Variants in HSDL2 observed in about 807,000 individuals in gnomAD.
HSDL2 encodes hydroxysteroid dehydrogenase-like protein 2.
Under a neutral mutation model 46.3 loss-of-function variants are expected in HSDL2, and 27 were observed. That is an observed-to-expected ratio of 0.58 (90% confidence interval 0.43 to 0.80). The LOEUF is 0.80. HSDL2 is among the 30% of genes least tolerant of loss of function. The probability of loss-of-function intolerance (pLI) is 0.00; values close to 1 mark genes in which losing one functional copy is unlikely to be tolerated. For synonymous variants in HSDL2, 153 were observed against 163.6 expected, an observed-to-expected ratio of 0.94 and a Z score of 0.50; for missense variants, 451 against 502.7, an observed-to-expected ratio of 0.90 and a Z score of 0.98.
chr9:112,404,390 C>T (rs559942748), intron 2 of HSDL2, among the ~76,000 whole-genome samples: 60 of 152,078 alleles, frequency 3.9e-4, no homozygotes, highest in African/African-American at 1.3e-3. Context: ...CATGGCGGGG[C>T]GTGGTGACTC....
chr9:112,454,815 C>T (rs964243755), intron 9 of HSDL2, among the ~76,000 whole-genome samples: 2 of 151,948 alleles, frequency 1.3e-5, no homozygotes, highest in Admixed American at 6.6e-5. Flanking sequence ...AAGTGATTCT[C>T]CTGCCTCAGC....
intron 1 of HSDL2, among the ~76,000 whole-genome samples, chr9:112,400,275 C>T (rs566909849): frequency 8.5e-5 from 13 of 152,224 alleles, no homozygotes; most frequent in African/African-American, 2.9e-4. Flanking sequence ...GGTGGAGCTA[C>T]GGGAACTCTT....
intron 4 of HSDL2, among the ~76,000 whole-genome samples, chr9:112,412,426 A>G (rs1831892891): frequency 6.6e-6 from 1 of 152,222 alleles, no homozygotes; most frequent in Admixed American, 6.5e-5. Context: ...TTTTAGACTT[A>G]TTAAAATCTA....
rs1003075460 is a variant in HSDL2, at chr9:112,438,439, A to G, written c.607A>G (p.Thr203Ala). ...GTGTGTTTTCTCTACAGCCATACAC[A>G]CTGCTGCTATGGATATGCTGGGAGG... is the stretch of plus-strand genomic sequence containing the variant. Reference protein sequence around the residue: ...NALWPKTAIHTAAMDMLGGPG... With the variant: ...NALWPKTAIHAAAMDMLGGPG... The change falls in exon 7 of 11, where the codon ACT becomes GCT. Residue 203 changes from threonine (T) to alanine (A), a missense_variant. Physicochemically the swap from Thr to Ala is moderately conservative, Grantham distance 58 (BLOSUM62 0). Transcript: ENST00000398805. 5.7e-6 allele frequency: 9 copies of G among 1,592,234 alleles called. No homozygotes were observed. The African/African-American group carries it at 6.8e-5, about 12-fold the overall frequency.
chr9:112,455,258 A>C (rs1282858391), intron 9 of HSDL2, among the ~76,000 whole-genome samples: 1 of 151,774 alleles, frequency 6.6e-6, no homozygotes, highest in Non-Finnish European at 1.5e-5. Flanking sequence ...AATAAAAGTT[A>C]AGAAACAGAT....
chr9:112,460,100 G>C (rs1833157990), intron 10 of HSDL2, among the ~76,000 whole-genome samples: 1 of 152,148 alleles, frequency 6.6e-6, no homozygotes, highest in Non-Finnish European at 1.5e-5. Flanking sequence ...AACTGTGCCA[G>C]AAAATTAAGG....
chr9:112,468,385 A>G (rs1189281553), intron 10 of HSDL2, among the ~76,000 whole-genome samples: 6 of 152,122 alleles, frequency 3.9e-5, no homozygotes, highest in Non-Finnish European at 8.8e-5. Flanking sequence ...TTACACATAT[A>G]TTTGTATAAT....
At chr9:112,430,920 C>T (rs1270966270) in intron 6 of HSDL2, among the ~76,000 whole-genome samples, 2 of 151,892 alleles carry the variant, frequency 1.3e-5, no homozygotes, top group African/African-American at 4.8e-5. Flanking sequence ...GGCATGGTGA[C>T]GCGTGCCTGT....
At chr9:112,423,836 C>T (rs771545258) in intron 6 of HSDL2, among the ~76,000 whole-genome samples, 1 of 151,862 alleles carries the variant, frequency 6.6e-6, no homozygotes, top group Non-Finnish European at 1.5e-5. Context: ...GCCTCAGCCT[C>T]CCGAATGGCT....
chr9:112,447,674 C>T (rs1467386232), intron 8 of HSDL2, among the ~76,000 whole-genome samples: 1 of 152,108 alleles, frequency 6.6e-6, no homozygotes, highest in East Asian at 1.9e-4. Flanking sequence ...GCACTGTGTT[C>T]AGCTTTTATG....
At chr9:112,402,251 A>C (rs1432288040) in intron 1 of HSDL2, among the ~76,000 whole-genome samples, 1 of 152,154 alleles carries the variant, frequency 6.6e-6, no homozygotes, top group Admixed American at 6.5e-5. Flanking sequence ...AAATTATTTT[A>C]GGTGTCTCCG....
At chr9:112,399,603 T>G (rs1012932118) in intron 1 of HSDL2, among the ~76,000 whole-genome samples, 1 of 152,132 alleles carries the variant, frequency 6.6e-6, no homozygotes. Context: ...AAGACAGACG[T>G]TCCCAGAGTG....
rs1423901916 is a variant in HSDL2, at chr9:112,470,795, C to T, written c.*251C>T. The T allele has an allele frequency of 8.1e-6, 2 of 247,144 alleles. No homozygotes were observed. Among genetic ancestry groups the T allele is most frequent in the African/African-American group, 4.5e-5 (2 of 44,332 alleles). 15.3% of individuals were successfully genotyped at this position (247,144 alleles called of 1,614,324 possible). A position where few individuals can be genotyped will look rare whatever the true frequency, so the allele number is the denominator to read the frequency against. Reference sequence around the variant, plus strand: ...ATTTCAAGGGTTTAACCCTTTGAGCCTTACATCTCATTCACTGTCTTTCTC... The same window carrying T: ...ATTTCAAGGGTTTAACCCTTTGAGCTTTACATCTCATTCACTGTCTTTCTC... On this transcript the variant is annotated 3_prime_UTR_variant, in exon 11 of 11. Coordinates refer to ENST00000398805, the MANE Select transcript of HSDL2 (RefSeq NM_032303.5).
Position 112,460,182 on chromosome 9 carries a change from T to G in HSDL2, c.1144+605T>G, listed in dbSNP as rs151336845. 2.3e-3 allele frequency among the ~76,000 whole-genome samples: 352 copies of G among 152,336 alleles called. 1 individual carries two copies. The highest frequency in any genetic ancestry group is 8.2e-3 in the African/African-American group (340 of 41,578). On this transcript the variant is annotated intron_variant, in intron 10 of 10. Coordinates refer to ENST00000398805, the MANE Select transcript of HSDL2 (RefSeq NM_032303.5). ...TTAATTAACTCAAATTCTAAAAAAT[T>G]AGAAGCAGCACTTGAAACTAAGCAT... is the stretch of plus-strand genomic sequence containing the variant.
At chr9:112,397,690 G>A (rs932084768) in intron 1 of HSDL2, among the ~76,000 whole-genome samples, 6 of 152,054 alleles carry the variant, frequency 3.9e-5, no homozygotes, top group African/African-American at 9.7e-5. Context: ...GCCTGCAGAC[G>A]GGCCTCCTCT....
At position 112,459,459 on chromosome 9, in the gene HSDL2, T is replaced by C; in HGVS notation, c.1026T>C (p.Gly342=). Residue 342 remains glycine (G), a synonymous_variant, in exon 10 of 11, where the codon GGT becomes GGC. Transcript: ENST00000398805. Reference sequence around the variant, plus strand: ...TGTTTATCTCTCTAGGTGAAGATGGTGGCACGTGGTTTCTTGATCTGAAAA... The same window carrying C: ...TGTTTATCTCTCTAGGTGAAGATGGCGGCACGTGGTTTCTTGATCTGAAAA... ...IYLFELSGED[G]GTWFLDLKSK... 6.2e-7 allele frequency: 1 copy of C among 1,613,948 alleles called. No homozygotes were observed. Among genetic ancestry groups the C allele is most frequent in the South Asian group, 1.1e-5 (1 of 91,074 alleles).
chr9:112,380,499 C>G (rs1290329740), intron 1 of HSDL2, among the ~76,000 whole-genome samples: 4 of 152,122 alleles, frequency 2.6e-5, no homozygotes, highest in Non-Finnish European at 5.9e-5. Context: ...CGTGCCTGGC[C>G]GAATGCGTGT....
At chr9:112,458,383 T>C (rs1353065203) in intron 9 of HSDL2, among the ~76,000 whole-genome samples, 3 of 150,628 alleles carry the variant, frequency 2.0e-5, no homozygotes, top group South Asian at 2.1e-4. Flanking sequence ...TGGAGTGCAA[T>C]GGCGCGATCT....
chr9:112,388,136 G>A (rs1438168121), intron 1 of HSDL2, among the ~76,000 whole-genome samples: 1 of 151,584 alleles, frequency 6.6e-6, no homozygotes, highest in Non-Finnish European at 1.5e-5. Flanking sequence ...TTCAGCCTGG[G>A]TGACAGGGCA....
Sources: gnomAD v4.1 joint callset for allele counts (sites outside exome capture counted in the v4.1 genomes callset) on GRCh38, gnomAD v4.1.1 for gene constraint, MANE v1.5 for transcripts, NCBI Gene and HGNC (gene_info 2026-07-23, HGNC 2026-07-21) for gene names.